NUMB: variants seen among roughly 807,000 people sequenced by gnomAD.
The protein encoded by NUMB is protein numb homolog.
In NUMB, 29 loss-of-function variants were observed where a neutral mutation model predicts 59.7. The observed-to-expected ratio is 0.49, with a 90% CI of 0.36 to 0.66. The LOEUF (loss-of-function observed/expected upper bound fraction) is 0.66, where lower values mean the gene tolerates loss of function less well. Among genes scored for constraint, NUMB ranks in the 30% least tolerant of loss-of-function variants. NUMB has a pLI of 0.00. For synonymous variants in NUMB, 288 were observed against 288.2 expected (o/e 1.00, Z 0.01); for missense variants, 723 against 822.0 (o/e 0.88, Z 1.47).
chr14:73,289,591 A>G (rs10483853), intron 8 of NUMB, among the ~76,000 whole-genome samples: 34,721 of 152,158 alleles, frequency 0.23, 4,847 homozygotes, highest in East Asian at 0.68. Context: ...AGTATTAGTT[A>G]TCATAAGGAC....
At chr14:73,384,670 C>G (rs1194383258) in intron 2 of NUMB, among the ~76,000 whole-genome samples, 2 of 152,122 alleles carry the variant, frequency 1.3e-5, no homozygotes, top group Non-Finnish European at 2.9e-5. Flanking sequence ...GAGGCTCAAA[C>G]CATCCTCCCA....
intron 1 of NUMB, among the ~76,000 whole-genome samples, chr14:73,429,174 A>G (rs1305505381): frequency 6.6e-6 from 1 of 151,464 alleles, no homozygotes; most frequent in African/African-American, 2.4e-5. Flanking sequence ...GATCGAGACC[A>G]TCCTGGCTAA....
intron 8 of NUMB, among the ~76,000 whole-genome samples, chr14:73,287,674 G>A (rs1167817095): frequency 1.3e-5 from 2 of 152,084 alleles, no homozygotes; most frequent in African/African-American, 2.4e-5. Flanking sequence ...CACCACACTC[G>A]GCCCAAATGT....
chr14:73,455,456 A>C (rs932278241), intron 1 of NUMB, among the ~76,000 whole-genome samples: 1 of 152,242 alleles, frequency 6.6e-6, no homozygotes, highest in African/African-American at 2.4e-5. Context: ...TAGGTTCCTC[A>C]AACAAGTTAA....
At chr14:73,351,288 A>G (rs936700333) in intron 4 of NUMB, among the ~76,000 whole-genome samples, 3 of 152,148 alleles carry the variant, frequency 2.0e-5, no homozygotes, top group Non-Finnish European at 2.9e-5. Context: ...CCTGGCCAAC[A>G]TGGTGAAACC....
At chr14:73,300,247 G>A (rs1005442134) in intron 6 of NUMB, among the ~76,000 whole-genome samples, 14 of 152,106 alleles carry the variant, frequency 9.2e-5, no homozygotes, top group Non-Finnish European at 2.1e-4. Context: ...GGTGAGATGG[G>A]GCTAGAATAC....
intron 1 of NUMB, among the ~76,000 whole-genome samples, chr14:73,451,083 G>A (rs1475005319): frequency 6.7e-6 from 1 of 150,330 alleles, no homozygotes; most frequent in African/African-American, 2.5e-5. Context: ...GAACCCAGGA[G>A]GCGGAGGTTG....
chr14:73,367,320 C>CAGATAT (rs1266798734), intron 2 of NUMB, among the ~76,000 whole-genome samples: 1 of 111,126 alleles, frequency 9.0e-6, no homozygotes, highest in African/African-American at 4.0e-5. Context: ...CACACACACA[C>CAGATAT]ACATATATAC....
At chr14:73,350,431 C>G (rs577228153) in intron 4 of NUMB, among the ~76,000 whole-genome samples, 2 of 151,922 alleles carry the variant, frequency 1.3e-5, no homozygotes, top group East Asian at 1.9e-4. Context: ...CCTCAGCCTC[C>G]CAAAGTGCTG....
intron 1 of NUMB, among the ~76,000 whole-genome samples, chr14:73,426,550 T>C (rs1197000271): frequency 6.6e-6 from 1 of 151,826 alleles, no homozygotes; most frequent in Non-Finnish European, 1.5e-5. Context: ...CTACAAAAAA[T>C]TTAAAAATTA....
At chr14:73,309,759 A>AAT (rs1566737332) in intron 6 of NUMB, among the ~76,000 whole-genome samples, 31 of 88,782 alleles carry the variant, frequency 3.5e-4, no homozygotes, top group South Asian at 1.6e-3. Context: ...ATAATAATAA[A>AAT]AATAGGATCC....
Position 73,378,016 on chromosome 14 carries a change from CACAT to C in NUMB, c.-100-11039_-100-11036del, listed in dbSNP as rs1356407758. 2.3e-4 allele frequency among the ~76,000 whole-genome samples: 34 copies of C among 148,448 alleles called. No homozygotes were observed. The East Asian group carries it at 2.5e-3, about 11-fold the overall frequency. On this transcript the variant is annotated intron_variant, in intron 2 of 12. Transcript: ENST00000555238. ...ACATACACACACACACACACACACACACATACACACACACACACACATACCAAAA... is the reference window on the plus strand; with the variant it reads ...ACATACACACACACACACACACACACACACACACACACACACATACCAAAA...
chr14:73,433,754 T>C (rs1282124544), intron 1 of NUMB, among the ~76,000 whole-genome samples: 3 of 151,740 alleles, frequency 2.0e-5, no homozygotes, highest in Non-Finnish European at 4.4e-5. Context: ...GGAGTATAGG[T>C]AGTAAAGAGA....
chr14:73,421,615 T>C (rs1454251706), intron 1 of NUMB, among the ~76,000 whole-genome samples: 2 of 152,168 alleles, frequency 1.3e-5, no homozygotes, highest in Admixed American at 6.6e-5. Context: ...CAAATGTAGA[T>C]TGAGACAAAT....
At chr14:73,414,721 C>T (rs774345947) in intron 1 of NUMB, among the ~76,000 whole-genome samples, 3 of 147,424 alleles carry the variant, frequency 2.0e-5, no homozygotes, top group South Asian at 2.3e-4. Flanking sequence ...GGGGCGGGTG[C>T]GGGGGGGGCG....
At chr14:73,353,502 A>T (rs1241984877) in intron 4 of NUMB, among the ~76,000 whole-genome samples, 1 of 151,198 alleles carries the variant, frequency 6.6e-6, no homozygotes, top group Non-Finnish European at 1.5e-5. Flanking sequence ...AAACGTACTT[A>T]AATGCAATTC....
chr14:73,450,687 C>T (rs544327459), intron 1 of NUMB, among the ~76,000 whole-genome samples: 4 of 151,854 alleles, frequency 2.6e-5, no homozygotes, highest in African/African-American at 9.7e-5. Context: ...CCCAGCTACT[C>T]GGAAGGCAGG....
intron 5 of NUMB, among the ~76,000 whole-genome samples, chr14:73,320,894 A>G (rs1306805912): frequency 1.3e-5 from 2 of 151,752 alleles, no homozygotes; most frequent in East Asian, 3.8e-4. Flanking sequence ...AAAATAAAAC[A>G]AAAAAATCTA....
intron 4 of NUMB, among the ~76,000 whole-genome samples, chr14:73,328,761 T>C (rs185015102): frequency 5.3e-5 from 8 of 152,356 alleles, no homozygotes; most frequent in Admixed American, 3.3e-4. Context: ...TCTTAAAAAA[T>C]TATGTTTCTT....
Sources: gnomAD v4.1 joint callset for allele counts (sites outside exome capture counted in the v4.1 genomes callset) on GRCh38, gnomAD v4.1.1 for gene constraint, MANE v1.5 for transcripts, NCBI Gene and HGNC (gene_info 2026-07-23, HGNC 2026-07-21) for gene names.